COL22A1: variants seen among roughly 807,000 people sequenced by gnomAD.
COL22A1 encodes the protein collagen alpha-1(XXII) chain.
Under a neutral mutation model 248.9 loss-of-function variants are expected in COL22A1, and 221 were observed. That is an observed-to-expected ratio of 0.89 (90% confidence interval 0.80 to 0.99). COL22A1 has a LOEUF of 0.99. Among genes scored for constraint, COL22A1 ranks in the 50% least tolerant of loss-of-function variants. The pLI, the probability that COL22A1 is intolerant of heterozygous loss-of-function variation, is 0.00. For missense variants in COL22A1, 2,240 were observed against 2,179.0 expected (o/e 1.03, Z -0.56); for synonymous variants, 891 against 793.4 (o/e 1.12, Z -2.07).
intron 3 of COL22A1, among the ~76,000 whole-genome samples, chr8:138,873,131 C>T (rs903322893): frequency 2.0e-5 from 3 of 152,156 alleles, no homozygotes; most frequent in Admixed American, 6.5e-5. Flanking sequence ...GACTTCCACA[C>T]CTGTCCCCTG....
At chr8:138,589,792 G>C (rs1816885040) in intron 64 of COL22A1, among the ~76,000 whole-genome samples, 1 of 152,140 alleles carries the variant, frequency 6.6e-6, no homozygotes, top group Non-Finnish European at 1.5e-5. Context: ...CATGGGTCTA[G>C]GGAATGAGTC....
intron 25 of COL22A1, among the ~76,000 whole-genome samples, chr8:138,722,860 GTGGTGGAAAACACACCCT>G (rs1829995616): frequency 1.1e-5 from 1 of 90,138 alleles, no homozygotes; most frequent in Non-Finnish European, 2.3e-5. Flanking sequence ...CGGGGGGGGG[GTGGTGGAAAACACACCCT>G]GGGGCCTGTT....
intron 6 of COL22A1, among the ~76,000 whole-genome samples, chr8:138,822,611 C>T (rs1819238815): frequency 6.6e-6 from 1 of 152,166 alleles, no homozygotes; most frequent in South Asian, 2.1e-4. Flanking sequence ...ACGTGTTGCC[C>T]TTCCCTGGGG....
Position 138,883,125 on chromosome 8 carries a change from C to A in COL22A1, c.48G>T (p.Leu16=), listed in dbSNP as rs1457435274. Reference sequence around the variant, plus strand: ...AGCCGCCGCCCCCACTCCACAGCAGCAGCATCCAGAGGAGGCCAGCCACAG... The same window carrying A: ...AGCCGCCGCCCCCACTCCACAGCAGAAGCATCCAGAGGAGGCCAGCCACAG... The part of the protein sequence containing the change: ...GNAVAGLLWM[L]LLWSGGGGCQ... The change falls in exon 2 of 65, where the codon CTG becomes CTT. Residue 16 remains leucine (L), a synonymous_variant. Coordinates refer to ENST00000303045, the MANE Select transcript of COL22A1 (RefSeq NM_152888.3). 1 of 1,599,416 alleles carries A rather than the reference C, an allele frequency of 6.3e-7. No homozygotes were observed. Among genetic ancestry groups the A allele is most frequent in the Non-Finnish European group, 8.5e-7 (1 of 1,173,994 alleles).
intron 3 of COL22A1, among the ~76,000 whole-genome samples, chr8:138,844,956 A>C (rs1297965024): frequency 6.6e-6 from 1 of 151,624 alleles, no homozygotes; most frequent in African/African-American, 2.4e-5. Context: ...TCTCAAAAAA[A>C]AAAAAAAAAA....
intron 1 of COL22A1, among the ~76,000 whole-genome samples, chr8:138,894,054 T>G (rs1825236807): frequency 1.3e-5 from 2 of 152,046 alleles, no homozygotes; most frequent in Admixed American, 1.3e-4. Flanking sequence ...AGGAGCACAG[T>G]AGTTTGGAGG....
At chr8:138,741,663 C>T (rs1831568162) in intron 22 of COL22A1, among the ~76,000 whole-genome samples, 1 of 152,334 alleles carries the variant, frequency 6.6e-6, no homozygotes, top group South Asian at 2.1e-4. Flanking sequence ...GAGTCATATT[C>T]TGGCTCCTTT....
At chr8:138,775,211 A>G (rs188243178) in intron 16 of COL22A1, among the ~76,000 whole-genome samples, 132 of 152,276 alleles carry the variant, frequency 8.7e-4, no homozygotes, top group Admixed American at 1.7e-3. Context: ...AAGGAACTCA[A>G]TGAATGGGGC....
At chr8:138,598,638 G>T in intron 61 of COL22A1, 81 bp downstream of exon 61, 2 of 1,337,840 alleles carry the variant, frequency 1.5e-6, no homozygotes, top group African/African-American at 1.5e-5. Context: ...GTAAACTGGT[G>T]CCTCTGAAGT....
chr8:138,881,998 G>A (rs1824250515), intron 2 of COL22A1, among the ~76,000 whole-genome samples: 1 of 152,156 alleles, frequency 6.6e-6, no homozygotes, highest in Admixed American at 6.5e-5. Context: ...CCCAACTACC[G>A]GGTCTACTAC....
intron 45 of COL22A1, among the ~76,000 whole-genome samples, chr8:138,655,573 C>T (rs1823174280): frequency 6.6e-6 from 1 of 152,092 alleles, no homozygotes; most frequent in African/African-American, 2.4e-5. Flanking sequence ...CTCTATGTTG[C>T]CCAGGTTGGT....
intron 3 of COL22A1, among the ~76,000 whole-genome samples, chr8:138,868,916 A>G (rs1333894004): frequency 6.6e-6 from 1 of 152,106 alleles, no homozygotes; most frequent in South Asian, 2.1e-4. Flanking sequence ...TTTTTAGTAG[A>G]GATGGGGGTT....
intron 12 of COL22A1, 125 bp downstream of exon 12, chr8:138,796,694 C>T: frequency 1.3e-6 from 1 of 761,714 alleles, no homozygotes; most frequent in Non-Finnish European, 2.4e-6. Context: ...GTTACACAGC[C>T]CAGGACACCT....
At chr8:138,770,094 A>G (rs1834238949) in intron 16 of COL22A1, among the ~76,000 whole-genome samples, 1 of 152,142 alleles carries the variant, frequency 6.6e-6, no homozygotes. Flanking sequence ...GCACTGGTGG[A>G]GGCCAACCAG....
intron 25 of COL22A1, among the ~76,000 whole-genome samples, chr8:138,723,783 A>G (rs557153480): frequency 2.0e-5 from 3 of 152,274 alleles, no homozygotes; most frequent in South Asian, 2.1e-4. Flanking sequence ...TGCACTGGGG[A>G]GCAACAGAGC....
chr8:138,616,991 A>G, intron 53 of COL22A1, 33 bp from the exon 54 acceptor site: 2 of 1,613,724 alleles, frequency 1.2e-6, no homozygotes, highest in Non-Finnish European at 1.7e-6. Context: ...ATTCCATGAT[A>G]GAGCAGGCTC....
At chr8:138,849,326 C>T (rs902502804) in intron 3 of COL22A1, among the ~76,000 whole-genome samples, 27 of 152,344 alleles carry the variant, frequency 1.8e-4, no homozygotes, top group Middle Eastern at 3.4e-3. Context: ...GTGCACCAGA[C>T]GCTGTTCCAA....
At chr8:138,751,255 A>T (rs1832576024) in intron 22 of COL22A1, among the ~76,000 whole-genome samples, 1 of 152,206 alleles carries the variant, frequency 6.6e-6, no homozygotes, top group Non-Finnish European at 1.5e-5. Context: ...ACTGATCTCC[A>T]TGTCCCTGAA....
intron 52 of COL22A1, among the ~76,000 whole-genome samples, chr8:138,621,755 G>A (rs1482806198): frequency 1.3e-5 from 2 of 152,208 alleles, no homozygotes; most frequent in Non-Finnish European, 2.9e-5. Flanking sequence ...GGGGACTACA[G>A]TGGAAAAATG....
Sources: gnomAD v4.1 joint callset for allele counts (sites outside exome capture counted in the v4.1 genomes callset) on GRCh38, gnomAD v4.1.1 for gene constraint, MANE v1.5 for transcripts, NCBI Gene and HGNC (gene_info 2026-07-23, HGNC 2026-07-21) for gene names.